Variants in DNMT1 observed in about 807,000 individuals in gnomAD.
DNMT1 encodes DNA (cytosine-5)-methyltransferase 1.
DNMT1 carries 24 observed loss-of-function variants against 205.3 expected under a neutral mutation model. That is an observed-to-expected ratio of 0.12 (90% CI 0.08 to 0.16). The LOEUF is 0.16. DNMT1 is among the 10% of genes least tolerant of loss of function. DNMT1 has a pLI of 1.00. For synonymous variants in DNMT1, 817 were observed against 839.8 expected (o/e 0.97, Z 0.47); for missense variants, 1,293 against 2,177.7 (o/e 0.59, Z 8.09).
intron 1 of DNMT1, among the ~76,000 whole-genome samples, chr19:10,182,570 C>G (rs564719895): frequency 1.3e-4 from 20 of 149,428 alleles, no homozygotes; most frequent in Non-Finnish European, 2.1e-4. Flanking sequence ...TACACACACA[C>G]ACAGCAGCTC....
intron 11 of DNMT1, among the ~76,000 whole-genome samples, chr19:10,164,730 C>A (rs559047265): frequency 6.6e-6 from 1 of 151,820 alleles, no homozygotes; most frequent in East Asian, 1.9e-4. Flanking sequence ...GAGTTAGAGA[C>A]CAGCCTGGCC....
chr19:10,142,342 C>T (rs2145270990), intron 29 of DNMT1, 122 bp from the exon 30 acceptor site: 2 of 1,381,906 alleles, frequency 1.4e-6, no homozygotes, highest in Non-Finnish European at 2.0e-6. Context: ...AGTTCGAGAA[C>T]CGCAGGGTAA....
intron 19 of DNMT1, 60 bp downstream of exon 19, chr19:10,155,793 A>G (rs1439230091): frequency 6.5e-7 from 1 of 1,544,722 alleles, no homozygotes. Flanking sequence ...AGCCCCCAGG[A>G]AGGAGAACAT....
intron 1 of DNMT1, among the ~76,000 whole-genome samples, chr19:10,183,126 T>TATATACGTGTGTATATATATATATATA (rs200261595): frequency 3.3e-5 from 3 of 90,928 alleles, no homozygotes; most frequent in Admixed American, 1.4e-4. Context: ...TATATATATA[T>TATATACGTGTGTATATATATATATATA]TTTTTTTTTT....
chr19:10,149,111 G>A, intron 26 of DNMT1, 94 bp from the exon 27 acceptor site: 1 of 1,544,906 alleles, frequency 6.5e-7, no homozygotes, highest in Non-Finnish European at 8.8e-7. Flanking sequence ...ATCACCTAAG[G>A]TCAGGAGTTC....
chr19:10,148,314 G>A (rs937916882), intron 27 of DNMT1, among the ~76,000 whole-genome samples: 13 of 150,402 alleles, frequency 8.6e-5, no homozygotes, highest in Non-Finnish European at 1.8e-4. Context: ...GGCTAACACA[G>A]TGAAACCTCG....
chr19:10,182,192 T>G, intron 1 of DNMT1, 115 bp from the exon 2 acceptor site: 1 of 1,141,678 alleles, frequency 8.8e-7, no homozygotes, highest in Non-Finnish European at 1.3e-6. Flanking sequence ...AACATATGAG[T>G]GTTAGAAAAA....
chr19:10,150,942 A>C (rs974055027), intron 24 of DNMT1, among the ~76,000 whole-genome samples: 1 of 152,088 alleles, frequency 6.6e-6, no homozygotes, highest in Non-Finnish European at 1.5e-5. Flanking sequence ...AAATACAAAA[A>C]AAGTTAGCCT....
rs371979343 is a variant in DNMT1, at chr19:10,159,824, G to A, written c.1170+18C>T. 7.4e-6 allele frequency: 12 copies of A among 1,614,102 alleles called. No individual in the cohort carries two copies. The African/African-American group carries it at 1.1e-4, about 14-fold the overall frequency. ...CAAGGGACAGGCAGAGGAAGGCTGG[G>A]AAGAGAGCTGTACGTACCGCGTCTG... On this transcript the variant is annotated intron_variant, in intron 16 of 40. Transcript: ENST00000359526. This position sits in a 1 kb window ranked among gnomAD's most constrained non-coding sequence, Gnocchi z 5.0.
At chr19:10,141,503 C>G in intron 30 of DNMT1, 1 of 413,864 alleles carries the variant, frequency 2.4e-6, no homozygotes, top group Middle Eastern at 7.6e-4. Flanking sequence ...CCTGGGAGAA[C>G]GTGGATGTAT....
chr19:10,180,351 C>T lies in DNMT1; in HGVS notation c.444G>A (p.Lys148=). ...PRRSKSDGEA[K]RSRDPPASAS... is the part of the protein sequence containing the mutation. ...ATAAAAGGAATCATCTGCTCTTACG[C>T]TTAGCCTCTCCATCGGACTTGCTCC... The change falls in exon 4 of 41, where the codon AAG becomes AAA. Residue 148 remains lysine (K), a splice_region_variant and synonymous_variant. Coordinates refer to ENST00000359526, the MANE Select transcript of DNMT1 (RefSeq NM_001130823.3). 1 of 1,611,908 alleles carries T rather than the reference C, an allele frequency of 6.2e-7. No homozygotes were observed. Among genetic ancestry groups the T allele is most frequent in the African/African-American group, 1.3e-5 (1 of 75,016 alleles).
intron 39 of DNMT1, among the ~76,000 whole-genome samples, chr19:10,135,264 G>GA (rs34252933): frequency 6.6e-6 from 1 of 151,154 alleles, no homozygotes; most frequent in African/African-American, 2.4e-5. Flanking sequence ...ACCAGATTCG[G>GA]GGGGAGGGGT....
chr19:10,187,559 G>C (rs963530911), intron 1 of DNMT1, among the ~76,000 whole-genome samples: 3 of 151,148 alleles, frequency 2.0e-5, no homozygotes, highest in Admixed American at 2.0e-4. Flanking sequence ...AATACAGTGA[G>C]ACCCTGTCTC....
At chr19:10,189,656 C>T (rs1056825599) in intron 1 of DNMT1, among the ~76,000 whole-genome samples, 5 of 149,140 alleles carry the variant, frequency 3.4e-5, no homozygotes, top group African/African-American at 9.9e-5. Flanking sequence ...TTGGCTCAAG[C>T]GATCCTCCTG....
In DNMT1 at chr19:10,151,663, T is replaced by A. The variant is rs1271996283; in HGVS notation, c.2117+87A>T. 5 of 1,606,986 alleles carry A rather than the reference T, an allele frequency of 3.1e-6. No homozygotes were observed. The highest frequency in any genetic ancestry group is 3.3e-4 in the Middle Eastern group (2 of 6,044). On this transcript the variant is annotated intron_variant, in intron 23 of 40. Coordinates refer to ENST00000359526, the MANE Select transcript of DNMT1 (RefSeq NM_001130823.3). This position sits in a 1 kb window ranked among gnomAD's most constrained non-coding sequence, Gnocchi z 5.0. ...GCCTAACGAAGGAATCCTGGTGCTG[T>A]CCCACACATGCAGGCCCTTCTCCAC...
rs199617900 is a variant in DNMT1 at position 10,141,207 on chromosome 19, G to A, written c.3310-18C>T. 2.2e-4 allele frequency: 352 copies of A among 1,612,950 alleles called. 1 individual carries two copies. The highest frequency in any genetic ancestry group is 9.9e-4 in the Middle Eastern group (6 of 6,060). The stretch of plus-strand genomic sequence containing the variant: ...TTATAGGCCTGAAAAGGAGAGAACT[G>A]CAATCGTTTGGGAGAGAAACGCACT... On this transcript the variant is annotated intron_variant, in intron 30 of 40. Transcript: ENST00000359526.
chr19:10,148,270 G>A lies in DNMT1; in HGVS notation c.2720+614C>T, dbSNP rs79495599. Among the ~76,000 whole-genome samples the A allele has an allele frequency of 6.0e-3, 909 of 151,532 alleles. 20 individuals are homozygous for A. Among genetic ancestry groups the A allele is most frequent in the East Asian group, 0.041 (211 of 5,180 alleles). Reference sequence around the variant, plus strand: ...CCAGCACTTTGGGAGGCCAAGGCGGGCAGATCACAAGGTCAGGAGATCGAG... The same window carrying A: ...CCAGCACTTTGGGAGGCCAAGGCGGACAGATCACAAGGTCAGGAGATCGAG... On this transcript the variant is annotated intron_variant, in intron 27 of 40. Transcript: ENST00000359526.
rs2089611299 is a variant in DNMT1, at chr19:10,142,079, C to G, written c.3258G>C (p.Glu1086Asp). 6.2e-7 allele frequency: 1 copy of G among 1,611,168 alleles called. No homozygotes were observed. Among genetic ancestry groups the G allele is most frequent in the Non-Finnish European group, 8.5e-7 (1 of 1,177,758 alleles). The change falls in exon 30 of 41, where the codon GAG (glutamate) becomes GAC (aspartate). Residue 1086 changes from glutamate (E) to aspartate (D), a missense_variant. Physicochemically the swap from Glu to Asp is conservative, Grantham distance 45. Transcript: ENST00000359526. ...CGCCCATGGAGTACACCTGGACGCA[C>G]TCGGGCAGGTCCTCCCCATACTCCA... Reference protein sequence around the residue: ...CTVEYGEDLPECVQVYSMGGP... With the variant: ...CTVEYGEDLPDCVQVYSMGGP...
At position 10,159,551 on chromosome 19, in the gene DNMT1, G is replaced by A; in HGVS notation, c.1280+107C>T. The A allele has an allele frequency of 8.8e-7, 1 of 1,136,768 alleles. No homozygotes were observed. The highest frequency in any genetic ancestry group is 1.3e-6 in the Non-Finnish European group (1 of 769,250). The allele number at this position is 1,136,768 out of a possible 1,614,324, so 70.4% of individuals were successfully genotyped here. On this transcript the variant is annotated intron_variant, in intron 17 of 40. Coordinates refer to ENST00000359526, the MANE Select transcript of DNMT1 (RefSeq NM_001130823.3). This position sits in a 1 kb window ranked among gnomAD's most constrained non-coding sequence, Gnocchi z 5.0. ...TCCACGAAGTGTTAGCTTAAGACATGTTGCAGGTCAGGCACTAAAAAACAT... is the reference window on the plus strand; with the variant it reads ...TCCACGAAGTGTTAGCTTAAGACATATTGCAGGTCAGGCACTAAAAAACAT...
Sources: allele counts gnomAD v4.1 joint callset (sites outside exome capture counted in the v4.1 genomes callset), GRCh38; gene constraint gnomAD v4.1.1; non-coding constraint Gnocchi (gnomAD v3.1); transcripts MANE v1.5; gene names NCBI Gene and HGNC (gene_info 2026-07-23, HGNC 2026-07-21).